The following GALNT18 variants were observed in gnomAD, a reference collection of about 807,000 sequenced individuals.
GALNT18 encodes polypeptide N-acetylgalactosaminyltransferase 18.
A neutral mutation model predicts 69.5 loss-of-function variants in GALNT18; 44 were observed. The ratio of observed to expected loss-of-function variants is 0.63; its 90% CI spans 0.50 to 0.81. GALNT18 has a LOEUF of 0.81. Among genes scored for constraint, GALNT18 ranks in the 40% least tolerant of loss-of-function variants. The pLI, the probability that GALNT18 is intolerant of heterozygous loss-of-function variation, is 0.00. For synonymous variants in GALNT18, 364 were observed against 318.2 expected, an observed-to-expected ratio of 1.14 and a Z score of -1.53; for missense variants, 715 against 810.0, an observed-to-expected ratio of 0.88 and a Z score of 1.42.
chr11:11,291,660 A>G (rs1003344454), intron 10 of GALNT18, among the ~76,000 whole-genome samples: 2 of 152,002 alleles, frequency 1.3e-5, no homozygotes, highest in Non-Finnish European at 2.9e-5. Flanking sequence ...TGCCACCTGC[A>G]TCCTCCACCT....
In GALNT18 at chr11:11,280,864, C is replaced by T. The variant is rs555670372; in HGVS notation, c.1678-9574G>A. Among the ~76,000 whole-genome samples, 42 of 152,284 alleles carry T rather than the reference C, an allele frequency of 2.8e-4. 1 individual carries two copies. The highest frequency in any genetic ancestry group is 9.4e-4 in the African/African-American group (39 of 41,544). On this transcript the variant is annotated intron_variant, in intron 10 of 10. Coordinates refer to ENST00000227756, the MANE Select transcript of GALNT18 (RefSeq NM_198516.3). ...CAAACTGTGGTCCACCTTGGGTGCC[C>T]ATCCTGTCCCTTAGAAGCTAGACTC...
In GALNT18 at chr11:11,404,612, C is replaced by T. The variant is rs942231780; in HGVS notation, c.596-25348G>A. Among the ~76,000 whole-genome samples the T allele has an allele frequency of 6.6e-6, 1 of 152,146 alleles. No individual in the cohort carries two copies. Among genetic ancestry groups the T allele is most frequent in the African/African-American group, 2.4e-5 (1 of 41,416 alleles). On this transcript the variant is annotated intron_variant, in intron 3 of 10. Transcript: ENST00000227756. This position sits in a 1 kb window ranked among gnomAD's most constrained non-coding sequence, Gnocchi z 4.5. Reference sequence around the variant, plus strand: ...TCCAAACCTAAGCCCTCCGCCCCACCCTGCGTTCTGGAATTCCTCTCAAGC... The same window carrying T: ...TCCAAACCTAAGCCCTCCGCCCCACTCTGCGTTCTGGAATTCCTCTCAAGC...
At chr11:11,534,684 C>A (rs1245768070) in intron 1 of GALNT18, among the ~76,000 whole-genome samples, 1 of 152,250 alleles carries the variant, frequency 6.6e-6, no homozygotes, top group East Asian at 1.9e-4. Flanking sequence ...ATCCATTTTC[C>A]ATTGGCACTT....
At chr11:11,593,760 T>C (rs1859420174) in intron 1 of GALNT18, among the ~76,000 whole-genome samples, 1 of 152,102 alleles carries the variant, frequency 6.6e-6, no homozygotes, top group African/African-American at 2.4e-5. Context: ...AAGACCCCAT[T>C]TCTAACAAAA....
intron 3 of GALNT18, among the ~76,000 whole-genome samples, chr11:11,409,841 T>A (rs551942335): frequency 7.7e-4 from 118 of 152,302 alleles, no homozygotes; most frequent in South Asian, 1.4e-3. Flanking sequence ...TGGGCTGACT[T>A]CTGTCTGTCT....
Position 11,389,007 on chromosome 11 carries a change from A to G in GALNT18, c.596-9743T>C, listed in dbSNP as rs1196437788. ...CTATTTCTGTTCCATAGATGAGGAA[A>G]CACAGCCCAGAGAGGCTAAAGGATT... On this transcript the variant is annotated intron_variant, in intron 3 of 10. Coordinates refer to ENST00000227756, the MANE Select transcript of GALNT18 (RefSeq NM_198516.3). This position sits in a 1 kb window ranked among gnomAD's most constrained non-coding sequence, Gnocchi z 4.3. 6.6e-6 allele frequency among the ~76,000 whole-genome samples: 1 copy of G among 152,234 alleles called. No homozygotes were observed. The highest frequency in any genetic ancestry group is 2.4e-5 in the African/African-American group (1 of 41,468).
intron 9 of GALNT18, among the ~76,000 whole-genome samples, chr11:11,295,783 T>A (rs543758218): frequency 2.6e-5 from 4 of 152,234 alleles, no homozygotes; most frequent in Admixed American, 2.0e-4. Flanking sequence ...GACTGAGTTT[T>A]TCTATAACAA....
intron 10 of GALNT18, among the ~76,000 whole-genome samples, chr11:11,272,811 C>T (rs2132970908): frequency 6.6e-6 from 1 of 152,252 alleles, no homozygotes; most frequent in Non-Finnish European, 1.5e-5. Context: ...TTTTCCAGCT[C>T]ACAGTGGGAA....
chr11:11,599,269 T>C (rs113165075), intron 1 of GALNT18, among the ~76,000 whole-genome samples: 11 of 152,244 alleles, frequency 7.2e-5, no homozygotes, highest in African/African-American at 2.6e-4. Flanking sequence ...TGTATTTTAG[T>C]GGTCTGTGGT....
rs1004346850 is a variant in GALNT18, at chr11:11,540,378, C to G, written c.235+80981G>C. On this transcript the variant is annotated intron_variant, in intron 1 of 10. Transcript: ENST00000227756. This position sits in a 1 kb window ranked among gnomAD's most constrained non-coding sequence, Gnocchi z 4.6. The stretch of plus-strand genomic sequence containing the variant: ...CTAGGACAAGAGCATGCCAAGAGCC[C>G]TGGGTGGTTTGGGTTTGTTTTGTCC... 3.9e-5 allele frequency among the ~76,000 whole-genome samples: 6 copies of G among 152,100 alleles called. No homozygotes were observed. Among genetic ancestry groups the G allele is most frequent in the Non-Finnish European group, 8.8e-5 (6 of 68,020 alleles).
In GALNT18 at chr11:11,591,980, T is replaced by C. The variant is rs7943434; in HGVS notation, c.235+29379A>G. On this transcript the variant is annotated intron_variant, in intron 1 of 10. Transcript: ENST00000227756. This position sits in a 1 kb window ranked among gnomAD's most constrained non-coding sequence, Gnocchi z 4.8. Reference sequence around the variant, plus strand: ...TCAGATACATGATTTAATGTTTCTGTGCCTCAATTTTATAATAGAAAAAGG... The same window carrying C: ...TCAGATACATGATTTAATGTTTCTGCGCCTCAATTTTATAATAGAAAAAGG... Among the ~76,000 whole-genome samples the C allele has an allele frequency of 0.14, 21,506 of 152,256 alleles. 1,967 individuals carry two copies. Among genetic ancestry groups the C allele is most frequent in the Middle Eastern group, 0.2 (60 of 294 alleles).
chr11:11,282,311 A>G (rs1751747953), intron 10 of GALNT18, among the ~76,000 whole-genome samples: 1 of 152,200 alleles, frequency 6.6e-6, no homozygotes. Context: ...TTCTGCCTGC[A>G]GGTTCTGCAG....
At chr11:11,380,177 G>A (rs1231176789) in intron 3 of GALNT18, among the ~76,000 whole-genome samples, 2 of 152,176 alleles carry the variant, frequency 1.3e-5, no homozygotes, top group Admixed American at 1.3e-4. Flanking sequence ...ACTATTAGAT[G>A]TTCTTCCTTC....
At chr11:11,274,541 G>A (rs753970050) in intron 10 of GALNT18, among the ~76,000 whole-genome samples, 3 of 152,200 alleles carry the variant, frequency 2.0e-5, no homozygotes, top group Non-Finnish European at 4.4e-5. Context: ...GCCTGAGTAG[G>A]TGGGTTTTTA....
chr11:11,517,319 G>A lies in GALNT18; in HGVS notation c.236-68383C>T, dbSNP rs913122744. The stretch of plus-strand genomic sequence containing the variant: ...GCAAAGGCAATTAGACAGCTCAAGT[G>A]AGATCCGAGATTCAGCCTCCACCCA... On this transcript the variant is annotated intron_variant, in intron 1 of 10. Coordinates refer to ENST00000227756, the MANE Select transcript of GALNT18 (RefSeq NM_198516.3). Among the ~76,000 whole-genome samples, 3 of 152,220 alleles carry A rather than the reference G, an allele frequency of 2.0e-5. 1 individual carries two copies. The East Asian group carries it at 5.8e-4, about 29-fold the overall frequency.
At position 11,603,405 on chromosome 11, in the gene GALNT18, T is replaced by TG. The variant is rs1264047639; in HGVS notation, c.235+17953dup. ...CAAAGGGAGTGTGGCCTGCCAAAGG[T>TG]GGGGGAATGTATAGGGCTTTCTCTG... On this transcript the variant is annotated intron_variant, in intron 1 of 10. Transcript: ENST00000227756. The surrounding 1 kb of genome is among the most constrained non-coding windows in gnomAD (Gnocchi z 4.5). Among the ~76,000 whole-genome samples the TG allele has an allele frequency of 1.3e-5, 2 of 151,894 alleles. No homozygotes were observed. Among genetic ancestry groups the TG allele is most frequent in the Non-Finnish European group, 2.9e-5 (2 of 67,982 alleles).
intron 9 of GALNT18, among the ~76,000 whole-genome samples, chr11:11,312,309 C>A (rs1849686035): frequency 6.6e-6 from 1 of 152,102 alleles, no homozygotes. Flanking sequence ...TGACCAGAAG[C>A]CTTATGGATA....
intron 1 of GALNT18, among the ~76,000 whole-genome samples, chr11:11,597,012 AG>A (rs761710693): frequency 1.2e-4 from 19 of 152,262 alleles, no homozygotes; most frequent in Non-Finnish European, 2.2e-4. Context: ...TCATCCAGAA[AG>A]GGTAGATTTT....
At chr11:11,557,974 G>A (rs989369783) in intron 1 of GALNT18, among the ~76,000 whole-genome samples, 22 of 152,204 alleles carry the variant, frequency 1.4e-4, no homozygotes, top group Admixed American at 1.4e-3. Context: ...TATTAGAAAT[G>A]TCCCCAAAGT....
Sources: allele counts gnomAD v4.1 joint callset (sites outside exome capture counted in the v4.1 genomes callset), GRCh38; gene constraint gnomAD v4.1.1; non-coding constraint Gnocchi (gnomAD v3.1); transcripts MANE v1.5; gene names NCBI Gene and HGNC (gene_info 2026-07-23, HGNC 2026-07-21).